The following PTPRT variants were observed in gnomAD, a reference collection of about 807,000 sequenced individuals.
PTPRT encodes the protein receptor-type tyrosine-protein phosphatase T.
PTPRT carries 56 observed loss-of-function variants against 176.8 expected under a neutral mutation model. The observed-to-expected ratio is 0.32, with a 90% CI of 0.26 to 0.40. The LOEUF is 0.40. Ranked by LOEUF, PTPRT falls within the 10% of genes least tolerant of loss-of-function variation. PTPRT has a pLI of 1.00. For missense variants in PTPRT, 1,540 were observed against 1,908.2 expected, an observed-to-expected ratio of 0.81 and a Z score of 3.60; for synonymous variants, 783 against 739.0, an observed-to-expected ratio of 1.06 and a Z score of -0.96.
At chr20:42,422,118 C>A (rs1194556903) in intron 9 of PTPRT, among the ~76,000 whole-genome samples, 2 of 152,188 alleles carry the variant, frequency 1.3e-5, no homozygotes, top group Non-Finnish European at 2.9e-5. Context: ...ACGACCTAAC[C>A]AATACCATTC....
chr20:42,733,940 T>A (rs1330905250), intron 6 of PTPRT, among the ~76,000 whole-genome samples: 3 of 152,156 alleles, frequency 2.0e-5, no homozygotes, highest in African/African-American at 7.2e-5. Flanking sequence ...GGGTGTTGCA[T>A]GAGGAGGTCC....
intron 1 of PTPRT, among the ~76,000 whole-genome samples, chr20:43,036,555 G>T (rs954167942): frequency 1.4e-5 from 2 of 143,244 alleles, no homozygotes; most frequent in African/African-American, 5.8e-5. Flanking sequence ...ATTTAATTTT[G>T]TGTTTAAGAA....
chr20:42,791,982 G>A (rs996199120), intron 2 of PTPRT, among the ~76,000 whole-genome samples: 7 of 152,132 alleles, frequency 4.6e-5, no homozygotes, highest in African/African-American at 1.7e-4. Context: ...GACTTGTTTT[G>A]GTCAATAGGA....
chr20:42,388,125 C>T (rs1022744784), intron 9 of PTPRT, among the ~76,000 whole-genome samples: 1 of 152,020 alleles, frequency 6.6e-6, no homozygotes, highest in Non-Finnish European at 1.5e-5. Flanking sequence ...TAGGACAGTC[C>T]CCAAAATAAA....
At position 42,816,371 on chromosome 20, in the gene PTPRT, T is replaced by C. The variant is rs556181164; in HGVS notation, c.215-24905A>G. On this transcript the variant is annotated intron_variant, in intron 2 of 30. Transcript: ENST00000373187. Reference sequence around the variant, plus strand: ...CCTAGCACACGGTTTGGTTTTGCAATGAAACAATTTACACAGTAAGAATAA... The same window carrying C: ...CCTAGCACACGGTTTGGTTTTGCAACGAAACAATTTACACAGTAAGAATAA... Among the ~76,000 whole-genome samples the C allele has an allele frequency of 2.6e-4, 40 of 152,328 alleles. 1 individual carries two copies. The Middle Eastern group carries it at 0.014, about 52-fold the overall frequency.
At position 42,201,847 on chromosome 20, in the gene PTPRT, T is replaced by C. The variant is rs1374635172; in HGVS notation, c.2343-2459A>G. Among the ~76,000 whole-genome samples the C allele has an allele frequency of 2.6e-5, 4 of 151,920 alleles. 1 individual carries two copies. The highest frequency in any genetic ancestry group is 1.5e-5 in the Non-Finnish European group (1 of 68,014). On this transcript the variant is annotated intron_variant, in intron 15 of 30. Coordinates refer to ENST00000373187, the MANE Select transcript of PTPRT (RefSeq NM_007050.6). ...AGTCAGAAGTGGCAAGTGATCTTTT[T>C]GACAGACTTCATACAGAATGCACTC...
At chr20:42,371,341 C>T (rs2058584322) in intron 9 of PTPRT, among the ~76,000 whole-genome samples, 1 of 152,194 alleles carries the variant, frequency 6.6e-6, no homozygotes, top group Admixed American at 6.5e-5. Context: ...ATTGCTTCTT[C>T]TACCATCTTC....
intron 12 of PTPRT, among the ~76,000 whole-genome samples, chr20:42,283,963 C>T (rs2057184111): frequency 6.6e-6 from 1 of 151,984 alleles, no homozygotes; most frequent in Non-Finnish European, 1.5e-5. Flanking sequence ...GATTCTTTTC[C>T]TCAAAATGCA....
chr20:42,116,425 G>T (rs530468071), intron 21 of PTPRT, among the ~76,000 whole-genome samples: 10 of 152,244 alleles, frequency 6.6e-5, no homozygotes, highest in African/African-American at 2.4e-4. Context: ...TTCATTGTTT[G>T]GTCCTAACAC....
rs919711751 is a variant in PTPRT, at chr20:42,293,984, T to C, written c.2140-11459A>G. On this transcript the variant is annotated intron_variant, in intron 12 of 30. Coordinates refer to ENST00000373187, the MANE Select transcript of PTPRT (RefSeq NM_007050.6). The stretch of plus-strand genomic sequence containing the variant: ...GGAAAAGAAGAAAAAAATAAAATTG[T>C]ACAAAATCCACAATTTCAGCATAAT... Among the ~76,000 whole-genome samples the C allele has an allele frequency of 1.8e-3, 271 of 152,136 alleles. 2 individuals carry two copies. Among genetic ancestry groups the C allele is most frequent in the Non-Finnish European group, 8.8e-5 (6 of 68,010 alleles).
chr20:42,045,623 T>A, the PTPRT span, among the ~76,000 whole-genome samples: 2 of 151,536 alleles, frequency 1.3e-5, no homozygotes, highest in Admixed American at 6.6e-5. Context: ...GTGGTAAAAC[T>A]CAGCATTCAG....
At chr20:42,993,930 T>C (rs999140159) in intron 1 of PTPRT, among the ~76,000 whole-genome samples, 1 of 152,092 alleles carries the variant, frequency 6.6e-6, no homozygotes, top group Non-Finnish European at 1.5e-5. Flanking sequence ...AGAGAAACTG[T>C]CTGGACACAA....
At chr20:42,518,104 T>G (rs774581959) in intron 7 of PTPRT, among the ~76,000 whole-genome samples, 1 of 152,048 alleles carries the variant, frequency 6.6e-6, no homozygotes, top group Non-Finnish European at 1.5e-5. Context: ...TAAAGGCATG[T>G]TAATACTGTC....
intron 1 of PTPRT, among the ~76,000 whole-genome samples, chr20:42,953,183 T>A (rs888964904): frequency 2.6e-5 from 4 of 152,202 alleles, no homozygotes; most frequent in South Asian, 4.2e-4. Context: ...CTCCCTTGAG[T>A]AGGTATCCTG....
intron 29 of PTPRT, among the ~76,000 whole-genome samples, chr20:42,082,597 T>G (rs1983448590): frequency 6.6e-6 from 1 of 152,234 alleles, no homozygotes; most frequent in South Asian, 2.1e-4. Context: ...GAACTGGTCC[T>G]GATAGGCTTT....
At chr20:43,070,447 C>A (rs1389903279) in intron 1 of PTPRT, among the ~76,000 whole-genome samples, 1 of 152,120 alleles carries the variant, frequency 6.6e-6, no homozygotes, top group Non-Finnish European at 1.5e-5. Context: ...ACTAGAAATA[C>A]CATTTGACCC....
intron 1 of PTPRT, among the ~76,000 whole-genome samples, chr20:43,033,795 C>G (rs1986250055): frequency 6.6e-6 from 1 of 152,148 alleles, no homozygotes; most frequent in Non-Finnish European, 1.5e-5. Flanking sequence ...TATCCCTGCT[C>G]TACAGAAAAA....
intron 7 of PTPRT, among the ~76,000 whole-genome samples, chr20:42,474,910 G>A (rs1380219043): frequency 6.6e-6 from 1 of 152,040 alleles, no homozygotes; most frequent in Non-Finnish European, 1.5e-5. Context: ...CCAAACTGAT[G>A]CCAAGCCCCA....
intron 2 of PTPRT, among the ~76,000 whole-genome samples, chr20:42,874,495 T>C (rs1009870029): frequency 6.6e-6 from 1 of 152,226 alleles, no homozygotes; most frequent in African/African-American, 2.4e-5. Context: ...GTACAGATGA[T>C]TGAATTAGGC....
Sources: allele counts gnomAD v4.1 joint callset (sites outside exome capture counted in the v4.1 genomes callset), GRCh38; gene constraint gnomAD v4.1.1; transcripts MANE v1.5; gene names NCBI Gene and HGNC (gene_info 2026-07-23, HGNC 2026-07-21).